PTPRD: variants seen among roughly 807,000 people sequenced by gnomAD.
The protein encoded by PTPRD is receptor-type tyrosine-protein phosphatase delta.
A neutral mutation model predicts 214.5 loss-of-function variants in PTPRD; 34 were observed. The ratio of observed to expected loss-of-function variants is 0.16; its 90% CI spans 0.12 to 0.21. The LOEUF (loss-of-function observed/expected upper bound fraction) is 0.21, where lower values mean the gene tolerates loss of function less well. PTPRD is among the 10% of genes least tolerant of loss of function. The pLI is 1.00. For missense variants in PTPRD, 2,545 were observed against 2,398.7 expected (o/e 1.06, Z -1.27); for synonymous variants, 1,128 against 845.7 (o/e 1.33, Z -5.79).
intron 3 of PTPRD, among the ~76,000 whole-genome samples, chr9:10,306,713 T>C (rs1450870568): frequency 9.2e-5 from 14 of 152,146 alleles, no homozygotes. Context: ...AATTCTATGT[T>C]GTCTTGAATT....
intron 12 of PTPRD, among the ~76,000 whole-genome samples, chr9:8,695,165 C>G (rs958531988): frequency 2.0e-4 from 30 of 152,232 alleles, no homozygotes; most frequent in African/African-American, 6.5e-4. Flanking sequence ...CTAAACACCA[C>G]ATACAGAGGA....
chr9:10,458,855 C>T (rs766581059), intron 2 of PTPRD, among the ~76,000 whole-genome samples: 1 of 152,108 alleles, frequency 6.6e-6, no homozygotes, highest in Non-Finnish European at 1.5e-5. Flanking sequence ...ATAAAATCAA[C>T]ATGCAAAACA....
chr9:8,835,020 G>A (rs1019006855), intron 11 of PTPRD, among the ~76,000 whole-genome samples: 1 of 152,214 alleles, frequency 6.6e-6, no homozygotes, highest in African/African-American at 2.4e-5. Context: ...TGCATGAAAA[G>A]AGTACCCACC....
chr9:10,004,181 T>A (rs2096409581), intron 4 of PTPRD, among the ~76,000 whole-genome samples: 2 of 151,974 alleles, frequency 1.3e-5, no homozygotes, highest in South Asian at 4.1e-4. Context: ...AAAATGTGCC[T>A]AAATACATTA....
rs537587880 is a variant in PTPRD, at chr9:9,649,945, G to A, written c.-286-75164C>T. On this transcript the variant is annotated intron_variant, in intron 7 of 45. Transcript: ENST00000381196. ...AAATGTGATAGTATACTGTGCTAGCGATAGAAAAAATGAAACGGAGGGAGA... is the reference window on the plus strand; with the variant it reads ...AAATGTGATAGTATACTGTGCTAGCAATAGAAAAAATGAAACGGAGGGAGA... 3.1e-4 allele frequency among the ~76,000 whole-genome samples: 47 copies of A among 152,206 alleles called. 1 individual carries two copies. The highest frequency in any genetic ancestry group is 5.9e-4 in the Admixed American group (9 of 15,288).
At chr9:9,673,714 A>G (rs922216774) in intron 7 of PTPRD, among the ~76,000 whole-genome samples, 6 of 151,572 alleles carry the variant, frequency 4.0e-5, no homozygotes, top group African/African-American at 1.4e-4. Context: ...TGAGAAGACA[A>G]TTTAGAAAAA....
At chr9:9,667,938 T>C (rs2096754639) in intron 7 of PTPRD, among the ~76,000 whole-genome samples, 1 of 152,138 alleles carries the variant, frequency 6.6e-6, no homozygotes, top group Non-Finnish European at 1.5e-5. Flanking sequence ...CAGATATTTC[T>C]AAATAAAGAC....
At chr9:9,335,902 A>G (rs561000171) in intron 9 of PTPRD, among the ~76,000 whole-genome samples, 4 of 152,266 alleles carry the variant, frequency 2.6e-5, no homozygotes, top group African/African-American at 9.6e-5. Flanking sequence ...CACACTAACA[A>G]GGGAGTATGA....
At chr9:8,660,616 A>G (rs1205535224) in intron 12 of PTPRD, among the ~76,000 whole-genome samples, 1 of 152,094 alleles carries the variant, frequency 6.6e-6, no homozygotes, top group Non-Finnish European at 1.5e-5. Context: ...ACCCTGGCAG[A>G]CTGCCATGAT....
chr9:8,348,455 C>T (rs1157789233), intron 39 of PTPRD, among the ~76,000 whole-genome samples: 1 of 152,088 alleles, frequency 6.6e-6, no homozygotes, highest in African/African-American at 2.4e-5. Flanking sequence ...TACTGGGCTC[C>T]AATATTATCT....
At chr9:8,570,001 A>C (rs2090611897) in intron 14 of PTPRD, among the ~76,000 whole-genome samples, 1 of 152,132 alleles carries the variant, frequency 6.6e-6, no homozygotes, top group African/African-American at 2.4e-5. Flanking sequence ...TTCCGTAATG[A>C]AGTTGTAGTG....
At chr9:8,947,568 T>C (rs1201682328) in intron 11 of PTPRD, among the ~76,000 whole-genome samples, 1 of 152,096 alleles carries the variant, frequency 6.6e-6, no homozygotes, top group African/African-American at 2.4e-5. Flanking sequence ...ATGTTCATCC[T>C]CCTATGTTTC....
chr9:8,679,395 C>T (rs1236160046), intron 12 of PTPRD, among the ~76,000 whole-genome samples: 1 of 152,106 alleles, frequency 6.6e-6, no homozygotes, highest in African/African-American at 2.4e-5. Context: ...ATGTGTGATC[C>T]TTGATGGTCA....
chr9:9,024,348 G>GTTTTTTTTTTTTTTTTTTT (rs752607769), intron 10 of PTPRD, among the ~76,000 whole-genome samples: 1 of 64,182 alleles, frequency 1.6e-5, no homozygotes, highest in African/African-American at 4.1e-5. Flanking sequence ...GTTTTTTTTT[G>GTTTTTTTTTTTTTTTTTTT]TTTGTTTTTT....
At chr9:10,388,659 G>C (rs1349345073) in intron 2 of PTPRD, among the ~76,000 whole-genome samples, 2 of 151,844 alleles carry the variant, frequency 1.3e-5, no homozygotes, top group Non-Finnish European at 2.9e-5. Flanking sequence ...TTGGACTTAA[G>C]AAAATTTGCT....
chr9:9,075,623 A>G (rs1322049888), intron 10 of PTPRD, among the ~76,000 whole-genome samples: 1 of 151,814 alleles, frequency 6.6e-6, no homozygotes, highest in Non-Finnish European at 1.5e-5. Context: ...AAGTGTTCTC[A>G]TTGTTCAATT....
intron 2 of PTPRD, among the ~76,000 whole-genome samples, chr9:10,482,405 TC>T (rs2099106579): frequency 6.6e-6 from 1 of 151,310 alleles, no homozygotes; most frequent in Non-Finnish European, 1.5e-5. Context: ...AATAAATAAA[TC>T]AATCAATAAT....
chr9:10,144,103 A>G (rs10809033), intron 3 of PTPRD, among the ~76,000 whole-genome samples: 47,404 of 151,994 alleles, frequency 0.31, 8,005 homozygotes, highest in African/African-American at 0.44. Context: ...TAAAGAAAAA[A>G]ATAAAGTAAT....
intron 8 of PTPRD, among the ~76,000 whole-genome samples, chr9:9,512,221 C>G (rs879908960): frequency 2.0e-5 from 3 of 151,760 alleles, no homozygotes; most frequent in Non-Finnish European, 4.4e-5. Context: ...ATTGAAAACA[C>G]AAAAGCCATT....
Sources: allele counts gnomAD v4.1 joint callset (sites outside exome capture counted in the v4.1 genomes callset), GRCh38; gene constraint gnomAD v4.1.1; transcripts MANE v1.5; gene names NCBI Gene and HGNC (gene_info 2026-07-23, HGNC 2026-07-21).